Variants in CACNA2D1 observed in about 807,000 individuals in gnomAD.
CACNA2D1 encodes the protein voltage-dependent calcium channel subunit alpha-2/delta-1.
CACNA2D1 carries 53 observed loss-of-function variants against 171.5 expected under a neutral mutation model. The observed-to-expected ratio is 0.31, with a 90% CI of 0.25 to 0.39. The LOEUF (loss-of-function observed/expected upper bound fraction) is 0.39. Among genes scored for constraint, CACNA2D1 ranks in the 10% least tolerant of loss-of-function variants. The pLI, the probability that CACNA2D1 is intolerant of heterozygous loss-of-function variation, is 1.00. For missense variants in CACNA2D1, 903 were observed against 1,299.8 expected, an observed-to-expected ratio of 0.69 and a Z score of 4.69; for synonymous variants, 442 against 443.1, an observed-to-expected ratio of 1.00 and a Z score of 0.03.
Position 81,962,437 on chromosome 7 carries a change from T to C in CACNA2D1, c.2836+3A>G. 3 of 1,602,578 alleles carry C rather than the reference T, an allele frequency of 1.9e-6. No individual in the cohort carries two copies. The highest frequency in any genetic ancestry group is 2.6e-6 in the Non-Finnish European group (3 of 1,172,492). On this transcript the variant is annotated splice_donor_region_variant and intron_variant, in intron 35 of 38. Coordinates refer to ENST00000356860, the MANE Select transcript of CACNA2D1 (RefSeq NM_000722.4). ...CAATGACAAGGTCTGAGCATTTACA[T>C]ACCTGCCTCAAGGAGTCGTGGAAAG...
At chr7:82,127,860 A>G (rs1790515084) in intron 5 of CACNA2D1, among the ~76,000 whole-genome samples, 2 of 152,130 alleles carry the variant, frequency 1.3e-5, no homozygotes, top group South Asian at 4.1e-4. Flanking sequence ...CTATCCTTCC[A>G]TGAGAATCAC....
At position 82,042,737 on chromosome 7, in the gene CACNA2D1, T is replaced by TC. The variant is rs1022844306; in HGVS notation, c.880-4503dup. ...TGTTCCTTCTGCCAAAAACACTTTT[T>TC]CCCACTATATGTACTGTTCCTCTGC... On this transcript the variant is annotated intron_variant, in intron 10 of 38. Transcript: ENST00000356860. Among the ~76,000 whole-genome samples the TC allele has an allele frequency of 3.5e-4, 53 of 152,190 alleles. 1 individual carries two copies. The highest frequency in any genetic ancestry group is 1.3e-3 in the African/African-American group (53 of 41,534).
At chr7:81,978,777 A>G (rs1584266709) in intron 24 of CACNA2D1, among the ~76,000 whole-genome samples, 1 of 118,946 alleles carries the variant, frequency 8.4e-6, no homozygotes, top group Non-Finnish European at 1.8e-5. Context: ...ATATACACAC[A>G]CACACACACT....
chr7:82,372,604 G>A (rs1822534552), intron 1 of CACNA2D1, among the ~76,000 whole-genome samples: 2 of 116,364 alleles, frequency 1.7e-5, no homozygotes, highest in Admixed American at 1.7e-4. Flanking sequence ...GCAGTATATT[G>A]TTATGAAGCA....
chr7:82,082,926 C>T (rs921114433), intron 7 of CACNA2D1, among the ~76,000 whole-genome samples: 1 of 151,894 alleles, frequency 6.6e-6, no homozygotes, highest in Non-Finnish European at 1.5e-5. Flanking sequence ...AAGTTAACTG[C>T]TATTTGTTAA....
intron 18 of CACNA2D1, chr7:82,001,711 A>C: frequency 2.4e-6 from 3 of 1,234,314 alleles, no homozygotes; most frequent in Non-Finnish European, 3.2e-6. Flanking sequence ...ACCTACACCA[A>C]TAGGCTGAAG....
At chr7:82,184,269 C>T (rs1797446911) in intron 3 of CACNA2D1, among the ~76,000 whole-genome samples, 1 of 149,574 alleles carries the variant, frequency 6.7e-6, no homozygotes, top group Non-Finnish European at 1.5e-5. Context: ...GTAATCTTTC[C>T]TCCTAGGAGT....
chr7:82,246,881 C>G lies in CACNA2D1; in HGVS notation c.295-76272G>C, dbSNP rs1804987530. 2.6e-5 allele frequency among the ~76,000 whole-genome samples: 4 copies of G among 152,204 alleles called. No individual in the cohort carries two copies. The South Asian group carries it at 8.3e-4, about 32-fold the overall frequency. ...ACATATTATTCATTCTTACCTCTCT[C>G]CCCACCATCACCCCACAAATACACA... On this transcript the variant is annotated intron_variant, in intron 3 of 38. Transcript: ENST00000356860.
chr7:82,184,410 T>G (rs1027854990), intron 3 of CACNA2D1, among the ~76,000 whole-genome samples: 1 of 152,112 alleles, frequency 6.6e-6, no homozygotes, highest in African/African-American at 2.4e-5. Flanking sequence ...TTTCCCCTTT[T>G]TCTAGAGAAC....
intron 1 of CACNA2D1, among the ~76,000 whole-genome samples, chr7:82,420,871 T>A (rs1170192013): frequency 6.6e-6 from 1 of 152,108 alleles, no homozygotes; most frequent in African/African-American, 2.4e-5. Context: ...CTAACATTGG[T>A]TGTTATTATT....
intron 3 of CACNA2D1, among the ~76,000 whole-genome samples, chr7:82,198,582 T>C (rs185907349): frequency 2.6e-5 from 4 of 152,124 alleles, no homozygotes; most frequent in African/African-American, 9.6e-5. Context: ...TTAATGGACC[T>C]AGGTTGCTAT....
intron 3 of CACNA2D1, among the ~76,000 whole-genome samples, chr7:82,175,313 G>C (rs375182474): frequency 2.2e-4 from 34 of 152,068 alleles, no homozygotes; most frequent in African/African-American, 8.2e-4. Flanking sequence ...AATTTCTTCA[G>C]CTAATGTAAG....
chr7:82,248,772 C>CA (rs1213828414), intron 3 of CACNA2D1, among the ~76,000 whole-genome samples: 10 of 151,114 alleles, frequency 6.6e-5, no homozygotes, highest in African/African-American at 2.2e-4. Flanking sequence ...CAGTGATCAA[C>CA]AAACACCTAT....
At chr7:82,362,734 G>A (rs1164265882) in intron 1 of CACNA2D1, among the ~76,000 whole-genome samples, 7 of 152,204 alleles carry the variant, frequency 4.6e-5, no homozygotes, top group Non-Finnish European at 7.4e-5. Flanking sequence ...AGCGAACCTT[G>A]AACTGAGATT....
intron 38 of CACNA2D1, among the ~76,000 whole-genome samples, chr7:81,955,560 T>C (rs1178727814): frequency 6.6e-6 from 1 of 152,116 alleles, no homozygotes; most frequent in African/African-American, 2.4e-5. Flanking sequence ...ACATCATCGA[T>C]ATTATGTATT....
chr7:81,982,657 G>C (rs781406592), intron 23 of CACNA2D1, 30 bp from the exon 24 acceptor site: 4 of 1,352,252 alleles, frequency 3.0e-6, no homozygotes, highest in Non-Finnish European at 4.2e-6. Flanking sequence ...GGATTAGATA[G>C]GTAATTCAGA....
At chr7:82,120,983 C>A (rs1056474110) in intron 5 of CACNA2D1, among the ~76,000 whole-genome samples, 1 of 151,876 alleles carries the variant, frequency 6.6e-6, no homozygotes, top group East Asian at 1.9e-4. Flanking sequence ...ATTTAAGCAT[C>A]CTGTGCTGCT....
At chr7:82,285,619 A>G (rs1361690368) in intron 3 of CACNA2D1, among the ~76,000 whole-genome samples, 1 of 152,198 alleles carries the variant, frequency 6.6e-6, no homozygotes, top group Non-Finnish European at 1.5e-5. Flanking sequence ...CACTATGATT[A>G]GTGGACTATA....
chr7:82,052,387 T>C (rs1399459708), intron 10 of CACNA2D1, among the ~76,000 whole-genome samples: 2 of 152,164 alleles, frequency 1.3e-5, no homozygotes, highest in African/African-American at 4.8e-5. Flanking sequence ...CAACTTGACA[T>C]TATAAATATA....
Sources: gnomAD v4.1 joint callset for allele counts (sites outside exome capture counted in the v4.1 genomes callset) on GRCh38, gnomAD v4.1.1 for gene constraint, MANE v1.5 for transcripts, NCBI Gene and HGNC (gene_info 2026-07-23, HGNC 2026-07-21) for gene names.